Variants in INPP4B observed in about 807,000 individuals in gnomAD.
INPP4B encodes inositol polyphosphate 4-phosphatase type II.
Under a neutral mutation model 122.5 loss-of-function variants are expected in INPP4B, and 55 were observed. That is an observed-to-expected ratio of 0.45 (90% confidence interval 0.36 to 0.56). INPP4B has a LOEUF of 0.56. Among genes scored for constraint, INPP4B ranks in the 20% least tolerant of loss-of-function variants. The probability of loss-of-function intolerance (pLI) is 0.00; values close to 1 mark genes in which losing one functional copy is unlikely to be tolerated. For missense variants in INPP4B, 1,000 were observed against 1,097.7 expected (o/e 0.91, Z 1.26); for synonymous variants, 403 against 388.7 (o/e 1.04, Z -0.43).
At chr4:142,240,947 A>G (rs1204545372) in intron 11 of INPP4B, among the ~76,000 whole-genome samples, 4 of 152,108 alleles carry the variant, frequency 2.6e-5, no homozygotes, top group Non-Finnish European at 4.4e-5. Flanking sequence ...CACGGTACTC[A>G]TGTATCGAAT....
chr4:142,642,089 C>G (rs544228117), intron 2 of INPP4B, among the ~76,000 whole-genome samples: 16 of 152,222 alleles, frequency 1.1e-4, no homozygotes, highest in African/African-American at 3.9e-4. Flanking sequence ...CTGTTCATAT[C>G]CTTCGCCCAC....
At chr4:142,399,456 A>G (rs1190194078) in intron 7 of INPP4B, among the ~76,000 whole-genome samples, 1 of 151,942 alleles carries the variant, frequency 6.6e-6, no homozygotes, top group Non-Finnish European at 1.5e-5. Flanking sequence ...CAGCCTCCCA[A>G]AGTGCTGGGA....
chr4:142,223,413 C>T (rs114069728), intron 12 of INPP4B, among the ~76,000 whole-genome samples: 2,489 of 152,232 alleles, frequency 0.016, 69 homozygotes, highest in African/African-American at 0.057. Flanking sequence ...TATATTTATT[C>T]TCATTCTGTA....
At chr4:142,301,032 A>G (rs1290952723) in intron 9 of INPP4B, among the ~76,000 whole-genome samples, 1 of 152,210 alleles carries the variant, frequency 6.6e-6, no homozygotes, top group Non-Finnish European at 1.5e-5. Flanking sequence ...TTTCTGTGAC[A>G]AGGTAAAGTG....
intron 2 of INPP4B, among the ~76,000 whole-genome samples, chr4:142,532,497 CT>C: frequency 6.6e-6 from 1 of 152,034 alleles, no homozygotes; most frequent in East Asian, 1.9e-4. Flanking sequence ...CCTGGCTTCC[CT>C]TTTTCATAGC....
intron 2 of INPP4B, among the ~76,000 whole-genome samples, chr4:142,628,432 G>A (rs1306658048): frequency 2.2e-5 from 1 of 46,080 alleles, no homozygotes; most frequent in Non-Finnish European, 5.0e-5. Flanking sequence ...GAGGGGGGAG[G>A]GATAGCATTG....
chr4:142,505,438 G>A (rs1049574957), intron 2 of INPP4B, among the ~76,000 whole-genome samples: 2 of 152,056 alleles, frequency 1.3e-5, no homozygotes, highest in African/African-American at 4.8e-5. Context: ...CTTTGGTGCT[G>A]GATAGCTGGA....
chr4:142,352,264 C>A (rs1228703278), intron 7 of INPP4B, among the ~76,000 whole-genome samples: 1 of 151,920 alleles, frequency 6.6e-6, no homozygotes, highest in Non-Finnish European at 1.5e-5. Context: ...ACCACAAATA[C>A]TTCCCAAATG....
Position 142,030,694 on chromosome 4 carries a change from G to T in INPP4B, c.2643-1780C>A, listed in dbSNP as rs1418167384. 3.9e-5 allele frequency among the ~76,000 whole-genome samples: 6 copies of T among 152,248 alleles called. No individual in the cohort carries two copies. In the East Asian group the frequency reaches 1.2e-3, roughly 29 times the overall value. On this transcript the variant is annotated intron_variant, in intron 25 of 25. Transcript: ENST00000262992. ...TCTGATAACTACATCTTTAGAAAATGAAATGAACAACACAGGATGTAGTGA... is the reference window on the plus strand; with the variant it reads ...TCTGATAACTACATCTTTAGAAAATTAAATGAACAACACAGGATGTAGTGA...
At chr4:142,176,063 G>C (rs2152958407) in intron 15 of INPP4B, among the ~76,000 whole-genome samples, 1 of 151,340 alleles carries the variant, frequency 6.6e-6, no homozygotes, top group South Asian at 2.1e-4. Flanking sequence ...TGGAAAGCTA[G>C]AATGCTCATG....
intron 2 of INPP4B, among the ~76,000 whole-genome samples, chr4:142,537,539 C>T (rs191966748): frequency 1.3e-5 from 2 of 150,946 alleles, no homozygotes; most frequent in Admixed American, 1.3e-4. Context: ...CACATACACA[C>T]ACGTAAAGTA....
chr4:142,400,126 C>T (rs1018988990), intron 7 of INPP4B, among the ~76,000 whole-genome samples: 1 of 152,152 alleles, frequency 6.6e-6, no homozygotes, highest in African/African-American at 2.4e-5. Context: ...TCTTTAAAAA[C>T]ATCTAGTACA....
At chr4:142,169,872 G>T (rs117547004) in intron 16 of INPP4B, among the ~76,000 whole-genome samples, 4 of 151,764 alleles carry the variant, frequency 2.6e-5, no homozygotes, top group East Asian at 3.9e-4. Flanking sequence ...TTTTTGATGA[G>T]CAGGATAATA....
At chr4:142,270,205 G>C (rs1745070531) in intron 10 of INPP4B, among the ~76,000 whole-genome samples, 1 of 152,044 alleles carries the variant, frequency 6.6e-6, no homozygotes, top group African/African-American at 2.4e-5. Flanking sequence ...ATCTCATAAG[G>C]CAGGAACTTC....
At chr4:142,098,792 G>C (rs990975255) in intron 23 of INPP4B, among the ~76,000 whole-genome samples, 2 of 152,200 alleles carry the variant, frequency 1.3e-5, no homozygotes, top group South Asian at 4.1e-4. Flanking sequence ...CAGGATACAA[G>C]AGTTTAAGGA....
intron 3 of INPP4B, among the ~76,000 whole-genome samples, chr4:142,461,879 C>T (rs941244439): frequency 1.3e-5 from 2 of 151,906 alleles, no homozygotes; most frequent in South Asian, 4.2e-4. Context: ...ATTCAGGGGA[C>T]CAGGAGAGAA....
At chr4:142,605,238 C>T (rs2150314926) in intron 2 of INPP4B, among the ~76,000 whole-genome samples, 1 of 152,080 alleles carries the variant, frequency 6.6e-6, no homozygotes, top group South Asian at 2.1e-4. Context: ...CACTATCTCT[C>T]ACCATATACA....
At chr4:142,108,242 G>C (rs758523623) in intron 22 of INPP4B, 52 bp from the exon 23 acceptor site, 2 of 897,778 alleles carry the variant, frequency 2.2e-6, no homozygotes, top group Admixed American at 2.0e-5. Context: ...GTACCAAAAA[G>C]TAACACATTT....
At chr4:142,668,609 C>T (rs898380535) in intron 2 of INPP4B, among the ~76,000 whole-genome samples, 2 of 152,100 alleles carry the variant, frequency 1.3e-5, no homozygotes, top group African/African-American at 4.8e-5. Context: ...CTGAAGACTC[C>T]ACCCCAAAAC....
Sources: allele counts gnomAD v4.1 joint callset (sites outside exome capture counted in the v4.1 genomes callset), GRCh38; gene constraint gnomAD v4.1.1; transcripts MANE v1.5; gene names NCBI Gene and HGNC (gene_info 2026-07-23, HGNC 2026-07-21).